Variants in INSIG2 observed in about 807,000 individuals in gnomAD.
INSIG2 encodes insulin induced gene 2.
A neutral mutation model predicts 27.2 loss-of-function variants in INSIG2; 10 were observed. That is an observed-to-expected ratio of 0.37 (90% CI 0.23 to 0.62). The LOEUF (loss-of-function observed/expected upper bound fraction) is 0.62. INSIG2 is among the 20% of genes least tolerant of loss of function. The pLI is 0.65. For synonymous variants in INSIG2, 97 were observed against 95.8 expected, an observed-to-expected ratio of 1.01 and a Z score of -0.07; for missense variants, 178 against 270.2, an observed-to-expected ratio of 0.66 and a Z score of 2.39.
chr2:118,105,711 A>C (rs1678656768), intron 3 of INSIG2, among the ~76,000 whole-genome samples: 7 of 152,150 alleles, frequency 4.6e-5, no homozygotes. Flanking sequence ...GGAAATGGTG[A>C]AAAAGAGTGT....
At chr2:118,103,088 T>TG in intron 2 of INSIG2, 109 bp from the exon 3 acceptor site, 1 of 1,009,904 alleles carries the variant, frequency 9.9e-7, no homozygotes, top group Non-Finnish European at 1.4e-6. Context: ...TTGTTTTTTT[T>TG]TTTTTAAGAA....
chr2:118,098,396 G>A (rs1558834561), intron 2 of INSIG2, among the ~76,000 whole-genome samples: 1 of 152,186 alleles, frequency 6.6e-6, no homozygotes, highest in South Asian at 2.1e-4. Context: ...CTGTTATGGG[G>A]AGATGAGGAC....
intron 1 of INSIG2, among the ~76,000 whole-genome samples, chr2:118,092,800 A>AATGATG: frequency 1.3e-5 from 2 of 151,498 alleles, no homozygotes; most frequent in East Asian, 3.9e-4. Context: ...TATAAAGAAT[A>AATGATG]ATGATGATGA....
At position 118,096,936 on chromosome 2, in the gene INSIG2, G is replaced by C. The variant is rs151261239; in HGVS notation, c.244+136G>C. The C allele has an allele frequency of 4.6e-4, 440 of 960,550 alleles. 2 individuals are homozygous for C. In the African/African-American group the frequency reaches 7.1e-3, roughly 15 times the overall value. 59.5% of individuals were successfully genotyped at this position (960,550 alleles called of 1,614,324 possible). On this transcript the variant is annotated intron_variant, in intron 2 of 5. Coordinates refer to ENST00000245787, the MANE Select transcript of INSIG2 (RefSeq NM_016133.4). ...AATTTAGGTATAATACACTGGACCC[G>C]TTTGAATTGAACAACTTGATGTGTT... is the stretch of plus-strand genomic sequence containing the variant.
rs376035268 is a variant in INSIG2 at position 118,096,549 on chromosome 2, A to G, written c.-8A>G. 1.9e-6 allele frequency: 3 copies of G among 1,607,768 alleles called. No homozygotes were observed. The highest frequency in any genetic ancestry group is 1.1e-5 in the South Asian group (1 of 90,630). On this transcript the variant is annotated 5_prime_UTR_variant, in exon 2 of 6. The change abolishes an upstream ATG in the 5' untranslated region. Transcript: ENST00000245787. ...TTTTTTTTAACGGCTTTCTGAACCTATGAAACCATGGCAGAAGGAGAGACA... is the reference window on the plus strand; with the variant it reads ...TTTTTTTTAACGGCTTTCTGAACCTGTGAAACCATGGCAGAAGGAGAGACA...
In INSIG2 at chr2:118,108,956, G is replaced by A. The variant is rs1458527484; in HGVS notation, c.*634G>A. 1 of 152,168 alleles carries A rather than the reference G, an allele frequency of 6.6e-6. No individual in the cohort carries two copies. Among genetic ancestry groups the A allele is most frequent in the Non-Finnish European group, 1.5e-5 (1 of 68,010 alleles). The allele number at this position is 152,168 out of a possible 1,614,324, so 9.4% of individuals were successfully genotyped here. On this transcript the variant is annotated 3_prime_UTR_variant, in exon 6 of 6. Coordinates refer to ENST00000245787, the MANE Select transcript of INSIG2 (RefSeq NM_016133.4). ...CCTGCGTTACTGGAGACAGCCCAAA[G>A]AGTAATTTTCTGTTTTGACAGGTTT...
intron 1 of INSIG2, among the ~76,000 whole-genome samples, chr2:118,093,116 G>C (rs527704311): frequency 8.1e-6 from 1 of 123,698 alleles, no homozygotes; most frequent in South Asian, 3.1e-4. Context: ...GGAGAGTTCT[G>C]TAGCTACTGA....
In INSIG2 at chr2:118,106,723, A is replaced by G; in HGVS notation, c.370-14A>G. 1 of 1,610,714 alleles carries G rather than the reference A, an allele frequency of 6.2e-7. No homozygotes were observed. Among genetic ancestry groups the G allele is most frequent in the Non-Finnish European group, 8.5e-7 (1 of 1,177,600 alleles). ...GTTACAACTTTTAAGATGACTTCTT[A>G]ACACTGATCTCAGAAAGTGGATTTC... On this transcript the variant is annotated splice_polypyrimidine_tract_variant and intron_variant, in intron 3 of 5. Transcript: ENST00000245787.
chr2:118,094,267 G>GATGAAGGAGAGTTCTGTAGCTACTGA (rs1421489941), intron 1 of INSIG2, among the ~76,000 whole-genome samples: 1 of 135,650 alleles, frequency 7.4e-6, no homozygotes, highest in Non-Finnish European at 1.6e-5. Flanking sequence ...TGATGATGAT[G>GATGAAGGAGAGTTCTGTAGCTACTGA]AAGGAGAGTT....
rs753780482 is a variant in INSIG2, at chr2:118,109,478, ACCAGCAC to A, written c.*1158_*1164del. The stretch of plus-strand genomic sequence containing the variant: ...CTGCATGTTAAAGATCTTAATGGCA[ACCAGCAC>A]CTCTTAAGTATGGTTTAAACATATT... On this transcript the variant is annotated 3_prime_UTR_variant, in exon 6 of 6. Coordinates refer to ENST00000245787, the MANE Select transcript of INSIG2 (RefSeq NM_016133.4). 8 of 152,226 alleles carry A rather than the reference ACCAGCAC, an allele frequency of 5.3e-5. No homozygotes were observed. The highest frequency in any genetic ancestry group is 7.3e-5 in the Non-Finnish European group (5 of 68,028). 9.4% of individuals were successfully genotyped at this position (152,226 alleles called of 1,614,324 possible). A position where few individuals can be genotyped will look rare whatever the true frequency, so the allele number is the denominator to read the frequency against.
intron 2 of INSIG2, among the ~76,000 whole-genome samples, chr2:118,099,420 T>C (rs1361069848): frequency 6.6e-6 from 1 of 152,216 alleles, no homozygotes; most frequent in Non-Finnish European, 1.5e-5. Flanking sequence ...GGACAACTAA[T>C]AGAGAACTTT....
intron 5 of INSIG2, among the ~76,000 whole-genome samples, chr2:118,107,775 G>A (rs982056313): frequency 1.3e-5 from 2 of 152,070 alleles, no homozygotes; most frequent in Non-Finnish European, 2.9e-5. Context: ...TTGAATTGTG[G>A]GTGTACATTT....
intron 2 of INSIG2, among the ~76,000 whole-genome samples, chr2:118,098,874 T>C (rs373314484): frequency 6.6e-6 from 1 of 152,238 alleles, no homozygotes; most frequent in Non-Finnish European, 1.5e-5. Flanking sequence ...GTATTTCTTC[T>C]GAAAGCAGTT....
chr2:118,092,108 A>G (rs1024592788), intron 1 of INSIG2, among the ~76,000 whole-genome samples: 7 of 152,188 alleles, frequency 4.6e-5, no homozygotes, highest in Non-Finnish European at 1.0e-4. Context: ...TAAAAATACT[A>G]TTAAACATAA....
chr2:118,110,380 G>A lies in INSIG2; in HGVS notation c.*2058G>A, dbSNP rs1678783133. On this transcript the variant is annotated 3_prime_UTR_variant, in exon 6 of 6. Transcript: ENST00000245787. ...AAAATGTGTTTACTCTTCATTCAGT[G>A]GAAGTGGACCATCCTAAAAGTCTTC... 1 of 152,178 alleles carries A rather than the reference G, an allele frequency of 6.6e-6. No homozygotes were observed. The highest frequency in any genetic ancestry group is 1.9e-4 in the East Asian group (1 of 5,190). The allele number at this position is 152,178 out of a possible 1,614,324, so 9.4% of individuals were successfully genotyped here.
At chr2:118,102,588 C>T (rs1678573382) in intron 2 of INSIG2, 2 of 152,352 alleles carry the variant, frequency 1.3e-5, no homozygotes, top group Admixed American at 1.3e-4. Flanking sequence ...CCTACAGCCT[C>T]ATTAAAGGGC....
At chr2:118,095,652 A>G (rs1311026189) in intron 1 of INSIG2, among the ~76,000 whole-genome samples, 1 of 152,158 alleles carries the variant, frequency 6.6e-6, no homozygotes, top group South Asian at 2.1e-4. Flanking sequence ...AAGTGGATAA[A>G]ACTCCTTAGA....
intron 2 of INSIG2, among the ~76,000 whole-genome samples, chr2:118,099,700 G>C (rs1301035316): frequency 6.6e-6 from 1 of 152,160 alleles, no homozygotes; most frequent in Non-Finnish European, 1.5e-5. Context: ...AATGTAAAAA[G>C]AAAAGAAAAA....
chr2:118,108,176 AC>A, intron 5 of INSIG2, 104 bp from the exon 6 acceptor site: 1 of 680,286 alleles, frequency 1.5e-6, no homozygotes, highest in South Asian at 1.9e-5. Flanking sequence ...ATAAATGGGC[AC>A]ATAGTAATAA....
Sources: gnomAD v4.1 joint callset for allele counts (sites outside exome capture counted in the v4.1 genomes callset) on GRCh38, gnomAD v4.1.1 for gene constraint, MANE v1.5 for transcripts, NCBI Gene and HGNC (gene_info 2026-07-23, HGNC 2026-07-21) for gene names.